The following ATP8A1 variants were observed in gnomAD, a reference collection of about 807,000 sequenced individuals.
ATP8A1 encodes the protein ATPase phospholipid transporting 8A1.
A neutral mutation model predicts 177.7 loss-of-function variants in ATP8A1; 90 were observed. That is an observed-to-expected ratio of 0.51 (90% confidence interval 0.43 to 0.60). The LOEUF is 0.60. Among genes scored for constraint, ATP8A1 ranks in the 20% least tolerant of loss-of-function variants. The pLI, the probability that ATP8A1 is intolerant of heterozygous loss-of-function variation, is 0.00. For synonymous variants in ATP8A1, 493 were observed against 485.9 expected (o/e 1.01, Z -0.19); for missense variants, 1,072 against 1,392.8 (o/e 0.77, Z 3.67).
At chr4:42,635,988 T>C (rs189788534) in intron 1 of ATP8A1, among the ~76,000 whole-genome samples, 6 of 151,192 alleles carry the variant, frequency 4.0e-5, no homozygotes, top group South Asian at 2.1e-4. Context: ...AGATGGCAAA[T>C]TGACTGTGAT....
chr4:42,503,312 T>C, intron 24 of ATP8A1, 138 bp downstream of exon 24: 1 of 509,750 alleles, frequency 2.0e-6, no homozygotes, highest in Admixed American at 3.9e-5. Flanking sequence ...ACAGAGTACA[T>C]TATGTTAAAA....
chr4:42,460,291 C>A (rs772938282), intron 27 of ATP8A1, among the ~76,000 whole-genome samples: 3 of 151,312 alleles, frequency 2.0e-5, no homozygotes, highest in Non-Finnish European at 2.9e-5. Context: ...CAGCCCCCAA[C>A]GAAAGTGTCA....
chr4:42,521,840 G>A (rs1726160090), intron 22 of ATP8A1, among the ~76,000 whole-genome samples: 2 of 152,134 alleles, frequency 1.3e-5, no homozygotes, highest in African/African-American at 2.4e-5. Context: ...TAATGTGTGC[G>A]TGTGTGTAGG....
chr4:42,538,522 A>G (rs1728060980), intron 20 of ATP8A1, among the ~76,000 whole-genome samples: 1 of 152,164 alleles, frequency 6.6e-6, no homozygotes, highest in African/African-American at 2.4e-5. Context: ...CTGATGAGGG[A>G]CTAATATCCA....
chr4:42,515,886 A>C (rs1044018323), intron 22 of ATP8A1, among the ~76,000 whole-genome samples: 1 of 152,240 alleles, frequency 6.6e-6, no homozygotes, highest in African/African-American at 2.4e-5. Context: ...TTATAAATGA[A>C]CGAATCTAAA....
At chr4:42,563,305 G>A (rs536515929) in intron 15 of ATP8A1, among the ~76,000 whole-genome samples, 82 of 152,294 alleles carry the variant, frequency 5.4e-4, no homozygotes, top group African/African-American at 1.9e-3. Flanking sequence ...GTGGAACTTC[G>A]AACTTGAGAG....
intron 25 of ATP8A1, among the ~76,000 whole-genome samples, chr4:42,479,607 T>C (rs931868089): frequency 5.9e-5 from 9 of 152,208 alleles, no homozygotes; most frequent in African/African-American, 1.7e-4. Context: ...AGGAGAGTGC[T>C]GATGTACTGA....
intron 22 of ATP8A1, among the ~76,000 whole-genome samples, chr4:42,519,647 A>C (rs1356180837): frequency 6.6e-6 from 1 of 152,150 alleles, no homozygotes; most frequent in Non-Finnish European, 1.5e-5. Context: ...AAGTTATTTA[A>C]ATAGATCACC....
chr4:42,558,389 A>G (rs891902672), intron 15 of ATP8A1, among the ~76,000 whole-genome samples: 2 of 152,186 alleles, frequency 1.3e-5, no homozygotes, highest in Non-Finnish European at 2.9e-5. Flanking sequence ...TTTTGCAAGA[A>G]GCAATAAGGC....
At chr4:42,567,478 G>T (rs1343887110) in intron 15 of ATP8A1, among the ~76,000 whole-genome samples, 1 of 152,196 alleles carries the variant, frequency 6.6e-6, no homozygotes, top group African/African-American at 2.4e-5. Flanking sequence ...GGTGGAGGTT[G>T]CAGTGAGCTG....
chr4:42,550,326 C>T (rs1304784247), intron 18 of ATP8A1, among the ~76,000 whole-genome samples: 1 of 151,888 alleles, frequency 6.6e-6, no homozygotes, highest in Non-Finnish European at 1.5e-5. Flanking sequence ...GACTGTATCA[C>T]AATTTGTTTA....
rs900732544 is a variant in ATP8A1, at chr4:42,412,005, G to A, written c.*911C>T. On this transcript the variant is annotated 3_prime_UTR_variant, in exon 37 of 37. Transcript: ENST00000381668. ...ATACGTAGCATATGTTTCTTAAGAG[G>A]AAAAACTTTAAGACAAAATGACATC... 2.0e-5 allele frequency: 3 copies of A among 152,112 alleles called. No homozygotes were observed. Among genetic ancestry groups the A allele is most frequent in the Non-Finnish European group, 4.4e-5 (3 of 68,006 alleles). The allele number at this position is 152,112 out of a possible 1,614,324, so 9.4% of individuals were successfully genotyped here.
In ATP8A1 at chr4:42,446,567, G is replaced by A. The variant is rs377732240; in HGVS notation, c.2958+16C>T. 454 of 1,611,526 alleles carry A rather than the reference G, an allele frequency of 2.8e-4. 1 individual carries two copies. Among genetic ancestry groups the A allele is most frequent in the Non-Finnish European group, 3.7e-4 (435 of 1,178,242 alleles). On this transcript the variant is annotated intron_variant, in intron 31 of 36. Coordinates refer to ENST00000381668, the MANE Select transcript of ATP8A1 (RefSeq NM_006095.2). The stretch of plus-strand genomic sequence containing the variant: ...TTTGATTTTACACGCAAACGAGACC[G>A]ACATCCCGCACTCACAGTGTACACA...
At chr4:42,453,002 A>G (rs1718096360) in intron 29 of ATP8A1, among the ~76,000 whole-genome samples, 1 of 152,226 alleles carries the variant, frequency 6.6e-6, no homozygotes, top group Non-Finnish European at 1.5e-5. Context: ...TTTACGCTCC[A>G]ATACATTACA....
intron 25 of ATP8A1, among the ~76,000 whole-genome samples, chr4:42,471,625 G>A (rs1720426542): frequency 2.0e-5 from 3 of 152,076 alleles, no homozygotes; most frequent in Admixed American, 6.5e-5. Flanking sequence ...AGAGAACTCC[G>A]CCTAGTATAG....
At chr4:42,635,447 G>A (rs1383347943) in intron 1 of ATP8A1, among the ~76,000 whole-genome samples, 1 of 151,876 alleles carries the variant, frequency 6.6e-6, no homozygotes, top group Non-Finnish European at 1.5e-5. Context: ...GACCATATTA[G>A]CTGCTCAAGT....
intron 33 of ATP8A1, among the ~76,000 whole-genome samples, chr4:42,439,339 T>C (rs1716368702): frequency 6.6e-6 from 1 of 152,220 alleles, no homozygotes; most frequent in African/African-American, 2.4e-5. Flanking sequence ...ATTAGTTAAA[T>C]GAGACCAGCA....
At chr4:42,626,590 T>A (rs895715153) in intron 2 of ATP8A1, 2 of 202,882 alleles carry the variant, frequency 9.9e-6, no homozygotes, top group African/African-American at 4.7e-5. Flanking sequence ...TTCACAACTA[T>A]CAAAAACCAA....
intron 19 of ATP8A1, among the ~76,000 whole-genome samples, chr4:42,545,099 G>A (rs1728761545): frequency 6.7e-6 from 1 of 149,488 alleles, no homozygotes; most frequent in South Asian, 2.1e-4. Flanking sequence ...GGTGGAGGTT[G>A]CAGTGAACCG....
Sources: gnomAD v4.1 joint callset for allele counts (sites outside exome capture counted in the v4.1 genomes callset) on GRCh38, gnomAD v4.1.1 for gene constraint, MANE v1.5 for transcripts, NCBI Gene and HGNC (gene_info 2026-07-23, HGNC 2026-07-21) for gene names.